Variants in HIRA observed in about 807,000 individuals in gnomAD.
HIRA encodes histone cell cycle regulator, also known as protein HIRA.
In HIRA, 13 loss-of-function variants were observed where a neutral mutation model predicts 126.6. The ratio of observed to expected loss-of-function variants is 0.10; its 90% CI spans 0.07 to 0.16. HIRA has a LOEUF of 0.16. HIRA is among the 10% of genes least tolerant of loss of function. The pLI is 1.00. For missense variants in HIRA, 834 were observed against 1,314.4 expected (o/e 0.63, Z 5.65); for synonymous variants, 511 against 520.0 (o/e 0.98, Z 0.24).
intron 1 of HIRA, among the ~76,000 whole-genome samples, chr22:19,411,702 G>C (rs924442541): frequency 6.6e-6 from 1 of 152,230 alleles, no homozygotes. Context: ...TGCTGATATA[G>C]ATGGGCTGTT....
chr22:19,404,811 T>C (rs2089295590), intron 5 of HIRA, among the ~76,000 whole-genome samples: 2 of 152,188 alleles, frequency 1.3e-5, no homozygotes, highest in Non-Finnish European at 1.5e-5. Flanking sequence ...TCTGACTATC[T>C]AGGCATCCAG....
Position 19,383,531 on chromosome 22 carries a change from T to C in HIRA, c.1415+89A>G. 4 of 1,078,726 alleles carry C rather than the reference T, an allele frequency of 3.7e-6. No individual in the cohort carries two copies. The South Asian group carries it at 5.3e-5, about 14-fold the overall frequency. The allele number at this position is 1,078,726 out of a possible 1,614,324, so 66.8% of individuals were successfully genotyped here. ...TACCAGTCAGGTTGTGAAGGACCCG[T>C]GAAGATCCTCACTGTGAAAGTGTTA... On this transcript the variant is annotated intron_variant, in intron 13 of 24. Transcript: ENST00000263208.
At chr22:19,359,618 G>T in intron 17 of HIRA, 134 bp from the exon 18 acceptor site, 1 of 1,040,846 alleles carries the variant, frequency 9.6e-7, no homozygotes, top group South Asian at 2.1e-5. Flanking sequence ...GAGAGGAGAG[G>T]GAGGGCAGGT....
At chr22:19,427,001 A>G (rs1601866006) in intron 1 of HIRA, among the ~76,000 whole-genome samples, 1 of 152,230 alleles carries the variant, frequency 6.6e-6, no homozygotes, top group South Asian at 2.1e-4. Context: ...AAAACAGAAG[A>G]CAAAATTCTT....
intron 1 of HIRA, among the ~76,000 whole-genome samples, chr22:19,412,030 G>A (rs1425782771): frequency 6.6e-6 from 1 of 152,250 alleles, no homozygotes; most frequent in African/African-American, 2.4e-5. Flanking sequence ...TGGTCACTAT[G>A]TAGTATAGGT....
In HIRA at chr22:19,385,689, G is replaced by T. The variant is rs762369052; in HGVS notation, c.1161C>A (p.Thr387=). 1 of 1,614,110 alleles carries T rather than the reference G, an allele frequency of 6.2e-7. No individual in the cohort carries two copies. Among genetic ancestry groups the T allele is most frequent in the South Asian group, 1.1e-5 (1 of 91,066 alleles). ...TGACGGCTGTGGAGAGCTGGGCCTC[G>T]GTCATGATGGCTAGGCTCTTGCCAT... ...STYGKSLAIM[T]EAQLSTAVIE... Residue 387 remains threonine (T), a synonymous_variant, in exon 12 of 25, where the codon ACC becomes ACA. Coordinates refer to ENST00000263208, the MANE Select transcript of HIRA (RefSeq NM_003325.4).
rs539371101 is a variant in HIRA at position 19,346,583 on chromosome 22, G to A, written c.2937+4775C>T. Among the ~76,000 whole-genome samples the A allele has an allele frequency of 5.3e-5, 8 of 152,376 alleles. No individual in the cohort carries two copies. In the South Asian group the frequency reaches 1.7e-3, roughly 32 times the overall value. The stretch of plus-strand genomic sequence containing the variant: ...CTCTTACATATTCTTTGTACAGAGG[G>A]AGAAAACCTGCTCATTTTCCCAGCC... On this transcript the variant is annotated intron_variant, in intron 24 of 24. Transcript: ENST00000263208.
intron 1 of HIRA, chr22:19,429,963 A>C (rs975405477): frequency 5.9e-5 from 9 of 152,244 alleles, no homozygotes; most frequent in African/African-American, 1.9e-4. Context: ...AAAGATCTGC[A>C]CAGTACACAT....
chr22:19,366,300 T>G (rs2088912584), intron 15 of HIRA, among the ~76,000 whole-genome samples: 1 of 152,120 alleles, frequency 6.6e-6, no homozygotes, highest in Non-Finnish European at 1.5e-5. Context: ...AGGTGGAGCT[T>G]GCAGTGAGCC....
rs937394725 is a variant in HIRA at position 19,431,592 on chromosome 22, G to A, written c.-116C>T. Reference sequence around the variant, plus strand: ...GCCACCCGCCCTCCGGCCGCCGCCCGCCCCGCGCCCTCAGGGCCGCCGCGC... The same window carrying A: ...GCCACCCGCCCTCCGGCCGCCGCCCACCCCGCGCCCTCAGGGCCGCCGCGC... On this transcript the variant is annotated 5_prime_UTR_variant, in exon 1 of 25. Transcript: ENST00000263208. 1.3e-4 allele frequency: 122 copies of A among 918,618 alleles called. 1 individual carries two copies. The highest frequency in any genetic ancestry group is 3.2e-4 in the Admixed American group (5 of 15,752). 56.9% of individuals were successfully genotyped at this position (918,618 alleles called of 1,614,324 possible).
intron 15 of HIRA, among the ~76,000 whole-genome samples, chr22:19,373,931 C>CTTTTTTTTTT (rs1254884863): frequency 6.5e-4 from 97 of 149,590 alleles, no homozygotes; most frequent in South Asian, 1.9e-3. Context: ...ACTGCTCTGG[C>CTTTTTTTTTT]TTTTTTGTTC....
At chr22:19,366,440 C>G (rs990675182) in intron 15 of HIRA, among the ~76,000 whole-genome samples, 1 of 152,212 alleles carries the variant, frequency 6.6e-6, no homozygotes. Context: ...AAAGTATTCA[C>G]CATTCTAGAT....
At chr22:19,352,065 G>C (rs1171155785) in intron 23 of HIRA, among the ~76,000 whole-genome samples, 1 of 151,984 alleles carries the variant, frequency 6.6e-6, no homozygotes, top group Non-Finnish European at 1.5e-5. Flanking sequence ...TAAGAGAGAT[G>C]AAACTGGAAT....
intron 13 of HIRA, among the ~76,000 whole-genome samples, chr22:19,381,011 A>G (rs2089068313): frequency 6.6e-6 from 1 of 152,252 alleles, no homozygotes; most frequent in Non-Finnish European, 1.5e-5. Flanking sequence ...AGGCTACAAG[A>G]GAGCTGACAT....
intron 1 of HIRA, among the ~76,000 whole-genome samples, chr22:19,421,672 T>TTGTG (rs759363968): frequency 6.6e-6 from 1 of 151,560 alleles, no homozygotes; most frequent in African/African-American, 2.4e-5. Context: ...CTTAACTCTT[T>TTGTG]TGTGTGTGTG....
chr22:19,402,422 A>C lies in HIRA; in HGVS notation c.397+3364T>G, dbSNP rs565427154. On this transcript the variant is annotated intron_variant, in intron 5 of 24. Coordinates refer to ENST00000263208, the MANE Select transcript of HIRA (RefSeq NM_003325.4). ...AGATTACTTATTCCTGGATATTTAT[A>C]ACTTTTGATCCCACTCTGTATAATT... is the stretch of plus-strand genomic sequence containing the variant. Among the ~76,000 whole-genome samples the C allele has an allele frequency of 3.5e-4, 54 of 152,356 alleles. 1 individual carries two copies. Among genetic ancestry groups the C allele is most frequent in the Admixed American group, 1.8e-3 (27 of 15,304 alleles).
At chr22:19,393,598 C>T (rs970369663) in intron 8 of HIRA, among the ~76,000 whole-genome samples, 8 of 152,082 alleles carry the variant, frequency 5.3e-5, no homozygotes, top group African/African-American at 1.4e-4. Flanking sequence ...CCTCATGATC[C>T]GCCCACCACA....
chr22:19,357,049 T>C lies in HIRA; in HGVS notation c.2237A>G (p.Asp746Gly), dbSNP rs782220260. 7 of 1,613,800 alleles carry C rather than the reference T, an allele frequency of 4.3e-6. No homozygotes were observed. Among genetic ancestry groups the C allele is most frequent in the Non-Finnish European group, 5.9e-6 (7 of 1,179,962 alleles). ...TTTTTCACAGGCGACACACACCACG[T>C]CACTGAGAAGGCAGAGTGGGGGCAG... Reference protein sequence around the residue: ...SRILTAAGSCDVVCVACEKRM... With the variant: ...SRILTAAGSCGVVCVACEKRM... The change falls in exon 19 of 25, where the codon GAC becomes GGC. Residue 746 changes from aspartate to glycine, a missense_variant and splice_region_variant. By Grantham distance (94) the Asp-to-Gly change is moderately conservative. Around this residue, in one of 5 missense-constraint regions of HIRA, gnomAD observed 468 missense variants for 574.2 expected, o/e 0.82. Transcript: ENST00000263208.
rs1044766829 is a variant in HIRA at position 19,393,196 on chromosome 22, G to C, written c.823-982C>G. Among the ~76,000 whole-genome samples the C allele has an allele frequency of 5.3e-5, 8 of 152,260 alleles. No homozygotes were observed. The South Asian group carries it at 1.5e-3, about 28-fold the overall frequency. ...TGTGAGGACTGCATGGGAGAATCAC[G>C]TAGAGCACTAACCATGAAGCACTGA... On this transcript the variant is annotated intron_variant, in intron 8 of 24. Transcript: ENST00000263208.
Sources: gnomAD v4.1 joint callset for allele counts (sites outside exome capture counted in the v4.1 genomes callset) on GRCh38, gnomAD v4.1.1 for gene constraint, gnomAD v4.1.1 regional missense constraint, MANE v1.5 for transcripts, NCBI Gene and HGNC (gene_info 2026-07-23, HGNC 2026-07-21) for gene names.